The following ANKRD26 variants were observed in gnomAD, a reference collection of about 807,000 sequenced individuals.
ANKRD26 encodes the protein ankyrin repeat domain 26.
A neutral mutation model predicts 208.7 loss-of-function variants in ANKRD26; 141 were observed. The observed-to-expected ratio is 0.68, with a 90% CI of 0.59 to 0.78. The LOEUF is 0.78. Ranked by LOEUF, ANKRD26 falls within the 30% of genes least tolerant of loss-of-function variation. The pLI, the probability that ANKRD26 is intolerant of heterozygous loss-of-function variation, is 0.00. For missense variants in ANKRD26, 1,889 were observed against 1,938.7 expected, an observed-to-expected ratio of 0.97 and a Z score of 0.48; for synonymous variants, 636 against 660.4, an observed-to-expected ratio of 0.96 and a Z score of 0.57.
At chr10:26,979,488 G>A (rs572550430) in intron 5 of ANKRD26, among the ~76,000 whole-genome samples, 3 of 152,190 alleles carry the variant, frequency 2.0e-5, no homozygotes, top group African/African-American at 7.2e-5. Context: ...CTGACAAAAC[G>A]GTAAGGTATA....
intron 4 of ANKRD26, among the ~76,000 whole-genome samples, chr10:26,982,326 GC>G (rs1361941759): frequency 6.6e-6 from 1 of 152,140 alleles, no homozygotes; most frequent in Non-Finnish European, 1.5e-5. Context: ...CAAATAGGAG[GC>G]GGGTTGGTGT....
At chr10:27,080,968 C>T in intron 6 of ANKRD26, 4 of 985,198 alleles carry the variant, frequency 4.1e-6, no homozygotes, top group Non-Finnish European at 4.8e-6. Flanking sequence ...CTGCCCTGGG[C>T]CACAGATCTA....
downstream of ANKRD26, among the ~76,000 whole-genome samples, chr10:26,991,013 G>A (rs890592610): frequency 3.9e-5 from 6 of 152,208 alleles, no homozygotes; most frequent in Admixed American, 3.3e-4. Context: ...AGACAAGCTC[G>A]ACTTCCTTGA....
At chr10:27,084,817 C>T (rs574692557) in intron 5 of ANKRD26, among the ~76,000 whole-genome samples, 7 of 148,942 alleles carry the variant, frequency 4.7e-5, no homozygotes, top group Admixed American at 1.3e-4. Context: ...TGCAGTGAGC[C>T]GAGATCGCAC....
At chr10:27,051,180 G>A in intron 16 of ANKRD26, 2 of 1,289,848 alleles carry the variant, frequency 1.6e-6, no homozygotes, top group South Asian at 1.2e-5. Context: ...TACTTTTGAT[G>A]TTCTGTCACC....
At chr10:27,044,907 G>A (rs1215138489) in intron 18 of ANKRD26, among the ~76,000 whole-genome samples, 1 of 152,132 alleles carries the variant, frequency 6.6e-6, no homozygotes, top group Non-Finnish European at 1.5e-5. Flanking sequence ...TTATTTTCAA[G>A]TGTTTTTAAG....
intron 14 of ANKRD26, 41 bp from the exon 15 acceptor site, chr10:27,060,458 T>A (rs781634538): frequency 1.3e-6 from 2 of 1,563,704 alleles, no homozygotes; most frequent in Non-Finnish European, 1.8e-6. Context: ...AAATAATGTA[T>A]ACTTTATACA....
chr10:27,018,816 C>T (rs1025492281), intron 29 of ANKRD26, among the ~76,000 whole-genome samples: 2 of 152,094 alleles, frequency 1.3e-5, no homozygotes, highest in African/African-American at 4.8e-5. Flanking sequence ...CCCTATCGAA[C>T]ACCATATACT....
At chr10:26,950,332 T>C in the ANKRD26 span, among the ~76,000 whole-genome samples, 1 of 152,256 alleles carries the variant, frequency 6.6e-6, no homozygotes, top group South Asian at 2.1e-4. Context: ...TGATTGTAAG[T>C]TTCCTGAGGC....
chr10:27,002,276 G>A (rs2052741705), downstream of ANKRD26, among the ~76,000 whole-genome samples: 1 of 152,154 alleles, frequency 6.6e-6, no homozygotes, highest in African/African-American at 2.4e-5. Flanking sequence ...ACACACAAGA[G>A]GATTGAACAA....
intron 15 of ANKRD26, among the ~76,000 whole-genome samples, chr10:27,060,100 G>C (rs2054995888): frequency 1.3e-5 from 2 of 151,812 alleles, no homozygotes; most frequent in South Asian, 4.2e-4. Flanking sequence ...TTTTTCAGGA[G>C]GCTGAGGCAG....
chr10:27,072,976 C>T (rs1371621978), intron 9 of ANKRD26, among the ~76,000 whole-genome samples: 1 of 152,176 alleles, frequency 6.6e-6, no homozygotes, highest in African/African-American at 2.4e-5. Context: ...TGCAGACATT[C>T]CCCAGCACCA....
At chr10:27,009,029 C>T (rs568365477) in intron 32 of ANKRD26, among the ~76,000 whole-genome samples, 5 of 152,220 alleles carry the variant, frequency 3.3e-5, no homozygotes, top group African/African-American at 7.2e-5. Context: ...TTAGTAGAGA[C>T]GGGGTTTCAC....
chr10:27,033,196 C>T (rs748983209), intron 25 of ANKRD26, 29 bp downstream of exon 25: 2 of 1,568,320 alleles, frequency 1.3e-6, no homozygotes, highest in African/African-American at 1.4e-5. Flanking sequence ...TATAGATTAA[C>T]TGTTTGACAT....
chr10:26,973,370 A>G (rs1466247983), downstream of ANKRD26, among the ~76,000 whole-genome samples: 1 of 151,774 alleles, frequency 6.6e-6, no homozygotes, highest in Non-Finnish European at 1.5e-5. Flanking sequence ...TTCCCTAATG[A>G]TGCTTTCTTT....
Position 27,098,390 on chromosome 10 carries a change from G to A in ANKRD26, c.242+1695C>T, listed in dbSNP as rs564709883. Among the ~76,000 whole-genome samples the A allele has an allele frequency of 8.5e-5, 13 of 152,160 alleles. No homozygotes were observed. In the South Asian group the frequency reaches 1.9e-3, roughly 22 times the overall value. On this transcript the variant is annotated intron_variant, in intron 1 of 33. Transcript: ENST00000376087. ...CAAAAAAAGAAAAAAAAGAAAGTGG[G>A]AAATGATTTTTATCTGTGCAAGATT...
the ANKRD26 span, among the ~76,000 whole-genome samples, chr10:26,949,130 G>A: frequency 2.0e-5 from 3 of 151,962 alleles, no homozygotes; most frequent in African/African-American, 2.4e-5. Flanking sequence ...CATTTACTAA[G>A]GTACAGAAAA....
At chr10:27,082,956 AGAATT>A in intron 5 of ANKRD26, 123 bp from the exon 6 acceptor site, 2 of 1,305,150 alleles carry the variant, frequency 1.5e-6, no homozygotes, top group Non-Finnish European at 2.1e-6. Context: ...AGACTATAAT[AGAATT>A]AATATCCTCT....
intron 6 of ANKRD26, among the ~76,000 whole-genome samples, chr10:27,081,958 G>T (rs148188116): frequency 1.3e-5 from 2 of 150,140 alleles, no homozygotes; most frequent in Admixed American, 6.7e-5. Flanking sequence ...GGCTGGTCTC[G>T]ATCTCCTGAC....
Sources: allele counts gnomAD v4.1 joint callset (sites outside exome capture counted in the v4.1 genomes callset), GRCh38; gene constraint gnomAD v4.1.1; transcripts MANE v1.5; gene names NCBI Gene and HGNC (gene_info 2026-07-23, HGNC 2026-07-21).